Variants in DHX8 observed in about 807,000 individuals in gnomAD.
DHX8 encodes the protein ATP-dependent RNA helicase DHX8.
A neutral mutation model predicts 140.7 loss-of-function variants in DHX8; 67 were observed. The ratio of observed to expected loss-of-function variants is 0.48; its 90% CI spans 0.39 to 0.58. The LOEUF is 0.58. Among genes scored for constraint, DHX8 ranks in the 20% least tolerant of loss-of-function variants. The pLI is 0.00. For missense variants in DHX8, 887 were observed against 1,550.7 expected (o/e 0.57, Z 7.19); for synonymous variants, 533 against 553.2 (o/e 0.96, Z 0.51).
intron 4 of DHX8, 27 bp downstream of exon 4, chr17:43,491,277 A>G (rs375811304): frequency 4.5e-4 from 557 of 1,247,588 alleles, no homozygotes; most frequent in Non-Finnish European, 5.8e-4. Flanking sequence ...AAGAGTGTCT[A>G]CTATAAATAT....
chr17:43,533,095 C>T (rs1449745087), intron 2 of DHX8: 4 of 1,538,934 alleles, frequency 2.6e-6, no homozygotes, highest in Non-Finnish European at 3.5e-6. Flanking sequence ...CCCCCTGCCT[C>T]TACCACCCCA....
rs1283528877 is a variant in DHX8 at position 43,493,767 on chromosome 17, C to T, written c.1093C>T (p.Arg365Trp). 1.9e-6 allele frequency: 3 copies of T among 1,614,174 alleles called. No homozygotes were observed. Among genetic ancestry groups the T allele is most frequent in the Non-Finnish European group, 2.5e-6 (3 of 1,180,026 alleles). The change falls in exon 8 of 23, where the codon CGG (arginine) becomes TGG (tryptophan). Residue 365 changes from arginine (R) to tryptophan (W), a missense_variant. Transcript: ENST00000262415. ...GGAGACCAATGAGGAGACCTCAATG[C>T]GGAATCCTGATAGACCCACTCACTT... ...VGETNEETSM[R>W]NPDRPTHLSL...
intron 3 of DHX8, chr17:43,536,505 T>C (rs1387132585): frequency 4.3e-6 from 7 of 1,613,154 alleles, no homozygotes; most frequent in South Asian, 1.1e-5. Flanking sequence ...AGAGGTGAGT[T>C]TGGGGCGGAG....
intron 21 of DHX8, 101 bp from the exon 22 acceptor site, chr17:43,521,946 A>G (rs1210004229): frequency 1.3e-5 from 17 of 1,273,096 alleles, no homozygotes; most frequent in Non-Finnish European, 1.8e-5. Context: ...GGTCCTGGTG[A>G]CTACTCTGGG....
Position 43,508,125 on chromosome 17 carries a change from C to A in DHX8, c.2320+106C>A, listed in dbSNP as rs1228955228. On this transcript the variant is annotated intron_variant, in intron 15 of 22. Coordinates refer to ENST00000262415, the MANE Select transcript of DHX8 (RefSeq NM_004941.3). ...TTGCTAATCTTTTTAAAAACAACTT[C>A]TAAATATTCATCTCTCTGCAAGCCT... 3 of 1,220,056 alleles carry A rather than the reference C, an allele frequency of 2.5e-6. No homozygotes were observed. In the African/African-American group the frequency reaches 4.6e-5, roughly 19 times the overall value. The allele number at this position is 1,220,056 out of a possible 1,614,324, so 75.6% of individuals were successfully genotyped here. A position where few individuals can be genotyped will look rare whatever the true frequency, so the allele number is the denominator to read the frequency against.
intron 17 of DHX8, among the ~76,000 whole-genome samples, chr17:43,514,765 T>C (rs547828629): frequency 6.5e-4 from 99 of 152,326 alleles, no homozygotes; most frequent in African/African-American, 2.3e-3. Context: ...AAATTCTAAA[T>C]GTATTCCAAA....
rs149167189 is a variant in DHX8 at position 43,504,756 on chromosome 17, G to A, written c.1659G>A (p.Lys553=). 5.1e-4 allele frequency: 822 copies of A among 1,614,178 alleles called. 1 individual carries two copies. Among genetic ancestry groups the A allele is most frequent in the Non-Finnish European group, 6.3e-4 (745 of 1,180,048 alleles). The change falls in exon 12 of 23, where the codon AAG becomes AAA. Residue 553 remains lysine (K), a synonymous_variant. Transcript: ENST00000262415. ...GCAACAAAGCCTCTTACGGAAAAAA[G>A]ACCCAGATGTCAATCCTTGAGCAGA... ...FGGNKASYGK[K]TQMSILEQRE... is the part of the protein sequence containing the mutation.
At chr17:43,492,332 C>T (rs750471942) in intron 5 of DHX8, 40 bp downstream of exon 5, 38 of 1,541,800 alleles carry the variant, frequency 2.5e-5, no homozygotes, top group Non-Finnish European at 3.3e-5. Context: ...GTTTAGGGTA[C>T]TGTGACAGTT....
Position 43,521,522 on chromosome 17 carries a change from C to T in DHX8, c.3220C>T (p.Arg1074Trp), listed in dbSNP as rs1970374598. The T allele has an allele frequency of 1.9e-6, 3 of 1,613,636 alleles. No homozygotes were observed. Among genetic ancestry groups the T allele is most frequent in the Non-Finnish European group, 2.5e-6 (3 of 1,179,912 alleles). The change falls in exon 21 of 23, where the codon CGG becomes TGG. Residue 1074 changes from arginine (R) to tryptophan (W), a missense_variant. Physicochemically the swap from Arg to Trp is moderately radical, Grantham distance 101 (BLOSUM62 -3). Coordinates refer to ENST00000262415, the MANE Select transcript of DHX8 (RefSeq NM_004941.3). ...ENFIQARSLR[R>W]AQDIRKQMLG... ...CTTTATCCAGGCTCGTTCCCTGCGC[C>T]GGGCCCAGGACATTCGCAAGCAGAT...
At chr17:43,490,872 G>A (rs896201158) in intron 3 of DHX8, among the ~76,000 whole-genome samples, 2 of 151,590 alleles carry the variant, frequency 1.3e-5, no homozygotes, top group African/African-American at 4.9e-5. Context: ...TTTTTTCCCC[G>A]TTTCAAGGGG....
At position 43,523,619 on chromosome 17, in the gene DHX8, C is replaced by A. The variant is rs1598181930; in HGVS notation, c.3444-9C>A. The A allele has an allele frequency of 6.2e-7, 1 of 1,613,842 alleles. No homozygotes were observed. Among genetic ancestry groups the A allele is most frequent in the East Asian group, 2.2e-5 (1 of 44,884 alleles). On this transcript the variant is annotated splice_polypyrimidine_tract_variant and intron_variant, in intron 22 of 22. Transcript: ENST00000262415. Reference sequence around the variant, plus strand: ...CAGAGGCTTGAGTACTATCTCTGTCCCCCCTCAGGGTGGTGTACCATGAGC... The same window carrying A: ...CAGAGGCTTGAGTACTATCTCTGTCACCCCTCAGGGTGGTGTACCATGAGC...
chr17:43,496,407 C>G (rs756822377), intron 9 of DHX8, 139 bp downstream of exon 9: 2 of 613,322 alleles, frequency 3.3e-6, no homozygotes, highest in Non-Finnish European at 5.8e-6. Context: ...AAAAAAGGAT[C>G]TCACCATGAT....
chr17:43,530,098 C>A, downstream of DHX8: 2 of 1,600,046 alleles, frequency 1.2e-6, no homozygotes, highest in South Asian at 2.2e-5. Flanking sequence ...GGAAGGGGGG[C>A]TGCCTTACCC....
intron 2 of DHX8, among the ~76,000 whole-genome samples, chr17:43,533,673 G>A (rs1382101805): frequency 6.6e-6 from 1 of 152,078 alleles, no homozygotes; most frequent in African/African-American, 2.4e-5. Flanking sequence ...TATTCCTGAG[G>A]CCCTCTGCTG....
chr17:43,527,359 C>CA (rs1193035130), downstream of DHX8, among the ~76,000 whole-genome samples: 1 of 152,216 alleles, frequency 6.6e-6, no homozygotes, highest in African/African-American at 2.4e-5. Context: ...TGTCCCCAAC[C>CA]CCAGCAAAAG....
chr17:43,524,072 G>A lies in DHX8; in HGVS notation c.*225G>A. On this transcript the variant is annotated 3_prime_UTR_variant, in exon 23 of 23. Coordinates refer to ENST00000262415, the MANE Select transcript of DHX8 (RefSeq NM_004941.3). ...CCATCACCCCAAGTCCTTGGGCCCA[G>A]TTGGGAGCTCATATCTAACACAGAG... 1 of 1,396,248 alleles carries A rather than the reference G, an allele frequency of 7.2e-7. No individual in the cohort carries two copies. Among genetic ancestry groups the A allele is most frequent in the Non-Finnish European group, 9.3e-7 (1 of 1,075,700 alleles). The allele number at this position is 1,396,248 out of a possible 1,614,324, so 86.5% of individuals were successfully genotyped here. A position where few individuals can be genotyped will look rare whatever the true frequency, so the allele number is the denominator to read the frequency against.
chr17:43,529,989 G>C (rs372949423), downstream of DHX8: 2,213 of 1,612,222 alleles, frequency 1.4e-3, 2 homozygotes, highest in South Asian at 1.8e-3. Context: ...AGATCTGGGG[G>C]TTCACCGATG....
Position 43,524,184 on chromosome 17 carries a change from T to C in DHX8, c.*337T>C, listed in dbSNP as rs1970519946. On this transcript the variant is annotated 3_prime_UTR_variant, in exon 23 of 23. Transcript: ENST00000262415. ...TGGGTGAGCATCTTGTGCAGGGACA[T>C]GGTGAGTGCCCTGATGCCCCAGCTA... 3 of 1,177,314 alleles carry C rather than the reference T, an allele frequency of 2.5e-6. No individual in the cohort carries two copies. Among genetic ancestry groups the C allele is most frequent in the Admixed American group, 8.4e-5 (2 of 23,914 alleles). The allele number at this position is 1,177,314 out of a possible 1,614,324, so 72.9% of individuals were successfully genotyped here.
At chr17:43,530,078 G>T (rs1232239423), downstream of DHX8, 3 of 1,609,748 alleles carry the variant, frequency 1.9e-6, no homozygotes, top group East Asian at 2.2e-5. Flanking sequence ...AACATGGAGG[G>T]CTTGGCAGGG....
Sources: gnomAD v4.1 joint callset for allele counts (sites outside exome capture counted in the v4.1 genomes callset) on GRCh38, gnomAD v4.1.1 for gene constraint, MANE v1.5 for transcripts, NCBI Gene and HGNC (gene_info 2026-07-23, HGNC 2026-07-21) for gene names.